Variants in ZC4H2 observed in about 807,000 individuals in gnomAD.
The protein encoded by ZC4H2 is zinc finger C4H2 domain-containing protein.
For synonymous variants in ZC4H2, 84 were observed against 66.3 expected, an observed-to-expected ratio of 1.27 and a Z score of -1.30; for missense variants, 137 against 173.9, an observed-to-expected ratio of 0.79 and a Z score of 1.19.
intron 1 of ZC4H2, among the ~76,000 whole-genome samples, chrX:64,963,252 C>A (rs1253636280): frequency 9.0e-6 from 1 of 111,303 alleles, no homozygotes; most frequent in African/African-American, 3.3e-5. Context: ...AACATTGGAC[C>A]CTTATCTTAT....
intron 1 of ZC4H2, among the ~76,000 whole-genome samples, chrX:65,031,723 G>T (rs1488865526): frequency 9.0e-6 from 1 of 111,536 alleles, no homozygotes; most frequent in African/African-American, 3.3e-5. Flanking sequence ...TATTTCCAAG[G>T]TCAAGGTCAC....
intron 1 of ZC4H2, among the ~76,000 whole-genome samples, chrX:64,996,402 C>CA (rs1213234283): frequency 9.1e-6 from 1 of 109,657 alleles, no homozygotes; most frequent in Non-Finnish European, 1.9e-5. Context: ...AGAGTTACCA[C>CA]ATTATAATAT....
intron 1 of ZC4H2, among the ~76,000 whole-genome samples, chrX:64,998,191 A>T (rs1932456386): frequency 9.0e-6 from 1 of 111,624 alleles, no homozygotes. Context: ...AAATATAAAT[A>T]AATTAAACTC....
chrX:64,985,660 A>T (rs1458068915), intron 1 of ZC4H2, among the ~76,000 whole-genome samples: 1 of 111,482 alleles, frequency 9.0e-6, no homozygotes, highest in Non-Finnish European at 1.9e-5. Flanking sequence ...AAACTCTGGG[A>T]TAATGTAAGA....
At chrX:64,994,196 G>T (rs765811888) in intron 1 of ZC4H2, among the ~76,000 whole-genome samples, 6 of 111,433 alleles carry the variant, frequency 5.4e-5, no homozygotes, top group Non-Finnish European at 1.1e-4. Flanking sequence ...ACCTTTACAG[G>T]TATTATTAGT....
chrX:64,936,828 T>C (rs1191534748), intron 1 of ZC4H2, among the ~76,000 whole-genome samples: 1 of 111,395 alleles, frequency 9.0e-6, no homozygotes, highest in African/African-American at 3.3e-5. Flanking sequence ...CAACAAATTG[T>C]AAAGACCATT....
At chrX:64,989,353 A>C (rs902887948) in intron 1 of ZC4H2, among the ~76,000 whole-genome samples, 8 of 112,081 alleles carry the variant, frequency 7.1e-5, no homozygotes, top group African/African-American at 2.6e-4. Flanking sequence ...ATCCATGAGC[A>C]TGGAATGTTC....
chrX:64,944,140 TC>T (rs1351644561), intron 1 of ZC4H2, among the ~76,000 whole-genome samples: 3 of 102,251 alleles, frequency 2.9e-5, no homozygotes. Flanking sequence ...TTTTCTTTTT[TC>T]TTTTTTTTTT....
chrX:65,013,069 C>T (rs184737561), intron 1 of ZC4H2, among the ~76,000 whole-genome samples: 9 of 111,315 alleles, frequency 8.1e-5, no homozygotes, highest in African/African-American at 2.3e-4. Context: ...AAATCTCAGG[C>T]GTGCTAGCAA....
chrX:64,942,406 G>C (rs1353987628), intron 1 of ZC4H2, among the ~76,000 whole-genome samples: 1 of 109,476 alleles, frequency 9.1e-6, no homozygotes, highest in Non-Finnish European at 1.9e-5. Flanking sequence ...GTGCAGGTTT[G>C]TGCCAAGGTG....
intron 1 of ZC4H2, among the ~76,000 whole-genome samples, chrX:64,944,459 G>A (rs1365142837): frequency 9.0e-6 from 1 of 111,330 alleles, no homozygotes; most frequent in Non-Finnish European, 1.9e-5. Context: ...CTGTTAGTCT[G>A]ATGGGCTTCT....
intron 1 of ZC4H2, among the ~76,000 whole-genome samples, chrX:64,954,374 T>A (rs868623653): frequency 4.1e-5 from 3 of 73,197 alleles, no homozygotes; most frequent in African/African-American, 3.1e-4. Context: ...ATATATATAA[T>A]TATATATATT....
At chrX:65,002,270 A>G (rs1932553001) in intron 1 of ZC4H2, among the ~76,000 whole-genome samples, 2 of 112,060 alleles carry the variant, frequency 1.8e-5, no homozygotes, top group African/African-American at 3.2e-5. Flanking sequence ...GTGCAATCAA[A>G]TCAGAACTCA....
chrX:64,940,706 G>A (rs1294833878), intron 1 of ZC4H2, among the ~76,000 whole-genome samples: 1 of 110,986 alleles, frequency 9.0e-6, no homozygotes, highest in African/African-American at 3.3e-5. Context: ...TCAGATGGTT[G>A]TAGATGTGTG....
intron 1 of ZC4H2, among the ~76,000 whole-genome samples, chrX:64,931,496 A>T (rs1929743435): frequency 9.0e-6 from 1 of 111,490 alleles, no homozygotes; most frequent in African/African-American, 3.3e-5. Context: ...TAACACCATG[A>T]ACTTTTGTCT....
intron 1 of ZC4H2, among the ~76,000 whole-genome samples, chrX:64,940,188 T>C (rs752607832): frequency 8.9e-6 from 1 of 112,269 alleles, no homozygotes; most frequent in Admixed American, 9.4e-5. Flanking sequence ...CATATGTTTG[T>C]TGGCCACATA....
intron 1 of ZC4H2, among the ~76,000 whole-genome samples, chrX:64,926,558 TATC>T (rs2147354591): frequency 8.9e-6 from 1 of 112,383 alleles, no homozygotes; most frequent in East Asian, 2.8e-4. Flanking sequence ...TTATTTTAAC[TATC>T]ATAATAAATA....
upstream of ZC4H2, among the ~76,000 whole-genome samples, chrX:64,979,308 G>T (rs1932039999): frequency 8.9e-6 from 1 of 112,503 alleles, no homozygotes; most frequent in African/African-American, 3.2e-5. Context: ...TAGGGTGTCT[G>T]CAGAGGGCCA....
chrX:64,918,838 ACCTC>A, intron 4 of ZC4H2, 200 bp downstream of exon 4: 1 of 356,984 alleles, frequency 2.8e-6, no homozygotes, highest in Non-Finnish European at 4.6e-6. Context: ...GCATTCTAAC[ACCTC>A]TGGGAACATG....
Sources: allele counts gnomAD v4.1 joint callset (sites outside exome capture counted in the v4.1 genomes callset), GRCh38; gene constraint gnomAD v4.1.1; transcripts MANE v1.5; gene names NCBI Gene and HGNC (gene_info 2026-07-23, HGNC 2026-07-21).